The following CCDC178 variants were observed in gnomAD, a reference collection of about 807,000 sequenced individuals.
CCDC178 encodes coiled-coil domain-containing protein 178.
Under a neutral mutation model 117.4 loss-of-function variants are expected in CCDC178, and 126 were observed. The ratio of observed to expected loss-of-function variants is 1.07; its 90% CI spans 0.93 to 1.24. CCDC178 has a LOEUF of 1.24. Ranked by LOEUF, CCDC178 falls within the 50% of genes most tolerant of loss-of-function variation. CCDC178 has a pLI of 0.00. For synonymous variants in CCDC178, 283 were observed against 313.4 expected, an observed-to-expected ratio of 0.90 and a Z score of 1.02; for missense variants, 1,030 against 986.9, an observed-to-expected ratio of 1.04 and a Z score of -0.59.
chr18:33,403,926 TAGA>T (rs1048268303), intron 3 of CCDC178, among the ~76,000 whole-genome samples: 1 of 152,222 alleles, frequency 6.6e-6, no homozygotes, highest in African/African-American at 2.4e-5. Context: ...TTTCGACTTC[TAGA>T]AGAAGGGGAA....
intron 21 of CCDC178, among the ~76,000 whole-genome samples, chr18:33,074,279 T>C (rs957338082): frequency 4.6e-5 from 7 of 152,082 alleles, no homozygotes; most frequent in Non-Finnish European, 8.8e-5. Context: ...ATTCACAAAC[T>C]GAACACAGAT....
chr18:33,309,143 C>T (rs2062300178), intron 11 of CCDC178, among the ~76,000 whole-genome samples: 1 of 149,616 alleles, frequency 6.7e-6, no homozygotes, highest in Non-Finnish European at 1.5e-5. Flanking sequence ...GCATAAATGA[C>T]ATAAGGCTAT....
At chr18:33,142,798 A>G (rs1193009638) in intron 20 of CCDC178, among the ~76,000 whole-genome samples, 7 of 152,206 alleles carry the variant, frequency 4.6e-5, no homozygotes, top group African/African-American at 7.2e-5. Flanking sequence ...AAAGAAGAAT[A>G]TCTAAATATT....
At chr18:33,077,321 A>G (rs2057227016) in intron 21 of CCDC178, among the ~76,000 whole-genome samples, 1 of 152,132 alleles carries the variant, frequency 6.6e-6, no homozygotes, top group Admixed American at 6.5e-5. Flanking sequence ...TATAAGCTAA[A>G]TAGTATTCCC....
At chr18:33,336,340 A>G (rs78255365) in intron 9 of CCDC178, among the ~76,000 whole-genome samples, 11,724 of 152,074 alleles carry the variant, frequency 0.077, 524 homozygotes, top group Non-Finnish European at 0.093. Context: ...ATATATCAAA[A>G]TGGCAACTCA....
At position 33,113,524 on chromosome 18, in the gene CCDC178, C is replaced by G. The variant is rs144761232; in HGVS notation, c.2239-20614G>C. Among the ~76,000 whole-genome samples the G allele has an allele frequency of 3.3e-3, 494 of 151,986 alleles. 5 individuals are homozygous for G. The highest frequency in any genetic ancestry group is 0.012 in the African/African-American group (482 of 41,472). ...AGATGAAATTCATTATCTTGAGATTCAACATCTTGGCAAAGTCTTCATCAC... is the reference window on the plus strand; with the variant it reads ...AGATGAAATTCATTATCTTGAGATTGAACATCTTGGCAAAGTCTTCATCAC... On this transcript the variant is annotated intron_variant, in intron 20 of 22. Coordinates refer to ENST00000383096, the MANE Select transcript of CCDC178 (RefSeq NM_001105528.4).
chr18:33,331,026 CTTTTTTTT>C (rs67153629), intron 10 of CCDC178, among the ~76,000 whole-genome samples: 15 of 45,060 alleles, frequency 3.3e-4, no homozygotes, highest in African/African-American at 1.3e-3. Flanking sequence ...ACAAACATTG[CTTTTTTTT>C]TTTTTTTTTT....
At chr18:33,279,509 T>A (rs1275050407) in intron 12 of CCDC178, among the ~76,000 whole-genome samples, 1 of 152,118 alleles carries the variant, frequency 6.6e-6, no homozygotes, top group East Asian at 1.9e-4. Context: ...ATCAATATCG[T>A]GAAAATGACC....
In CCDC178 at chr18:33,266,953, T is replaced by G; in HGVS notation, c.1372A>C (p.Ile458Leu). The change falls in exon 14 of 23, where the codon ATT (isoleucine) becomes CTT (leucine). Residue 458 changes from isoleucine to leucine, a missense_variant. By Grantham distance (5) the Ile-to-Leu change is conservative. Transcript: ENST00000383096. ...KLTEDNKKLE[I>L]DINKITVKTN... is the part of the protein sequence containing the mutation. ...TTTACTGTTATTTTGTTAATATCAA[T>G]CTCAAGTTTTTTATTGTCTTCCGTC... The G allele has an allele frequency of 6.3e-7, 1 of 1,587,656 alleles. No homozygotes were observed. The highest frequency in any genetic ancestry group is 8.5e-7 in the Non-Finnish European group (1 of 1,172,002).
At chr18:33,025,943 A>G (rs767282169) in intron 21 of CCDC178, among the ~76,000 whole-genome samples, 1 of 152,138 alleles carries the variant, frequency 6.6e-6, no homozygotes. Context: ...TTTATTCATA[A>G]TAGCTAAAAA....
At chr18:33,144,153 C>T (rs1460558086) in intron 20 of CCDC178, among the ~76,000 whole-genome samples, 1 of 152,104 alleles carries the variant, frequency 6.6e-6, no homozygotes, top group Non-Finnish European at 1.5e-5. Flanking sequence ...TGCTCTCCAA[C>T]TACCCGCAAG....
At chr18:33,181,462 A>T (rs546040742) in intron 20 of CCDC178, among the ~76,000 whole-genome samples, 1 of 152,106 alleles carries the variant, frequency 6.6e-6, no homozygotes, top group African/African-American at 2.4e-5. Context: ...ATTGTCAAAT[A>T]AACAATAAGC....
chr18:33,150,700 G>C (rs1015239671), intron 20 of CCDC178, among the ~76,000 whole-genome samples: 10 of 152,136 alleles, frequency 6.6e-5, no homozygotes, highest in African/African-American at 2.4e-4. Flanking sequence ...ATGTAAACTA[G>C]TACAACCACT....
At chr18:33,215,443 A>G in intron 19 of CCDC178, 107 bp downstream of exon 19, 1 of 728,238 alleles carries the variant, frequency 1.4e-6, no homozygotes, top group South Asian at 2.8e-5. Flanking sequence ...CTACGTTATA[A>G]TTAAAAATAC....
intron 16 of CCDC178, among the ~76,000 whole-genome samples, chr18:33,225,541 T>C (rs2059292912): frequency 6.6e-6 from 1 of 152,250 alleles, no homozygotes; most frequent in East Asian, 1.9e-4. Flanking sequence ...AAATCAAACA[T>C]TTAAAAAAAT....
At chr18:33,086,132 T>C (rs1389253025) in intron 21 of CCDC178, among the ~76,000 whole-genome samples, 1 of 151,952 alleles carries the variant, frequency 6.6e-6, no homozygotes, top group Non-Finnish European at 1.5e-5. Context: ...TTTTTAAACA[T>C]AGGTTTTAAG....
chr18:33,292,842 A>G (rs555213165), intron 12 of CCDC178, among the ~76,000 whole-genome samples: 9 of 152,150 alleles, frequency 5.9e-5, no homozygotes, highest in African/African-American at 1.9e-4. Context: ...AAATAGTGTT[A>G]TCCTGGAGTC....
chr18:33,293,750 C>T (rs763708384), intron 11 of CCDC178, among the ~76,000 whole-genome samples: 144 of 152,124 alleles, frequency 9.5e-4, no homozygotes, highest in Non-Finnish European at 1.5e-3. Context: ...TCCATCCCAA[C>T]GTAACTTGAC....
intron 15 of CCDC178, among the ~76,000 whole-genome samples, chr18:33,227,606 G>A (rs2059323065): frequency 6.9e-6 from 1 of 144,936 alleles, no homozygotes; most frequent in Admixed American, 7.0e-5. Flanking sequence ...ACATAGTTTT[G>A]CAAGGAGGAA....
Sources: allele counts gnomAD v4.1 joint callset (sites outside exome capture counted in the v4.1 genomes callset), GRCh38; gene constraint gnomAD v4.1.1; transcripts MANE v1.5; gene names NCBI Gene and HGNC (gene_info 2026-07-23, HGNC 2026-07-21).